GPAT3: variants seen among roughly 807,000 people sequenced by gnomAD.
The protein encoded by GPAT3 is 1-AGP acyltransferase 9.
GPAT3 carries 53 observed loss-of-function variants against 58.8 expected under a neutral mutation model. The ratio of observed to expected loss-of-function variants is 0.90; its 90% CI spans 0.72 to 1.13. The LOEUF (loss-of-function observed/expected upper bound fraction) is 1.13, where lower values mean the gene tolerates loss of function less well. GPAT3 is among the 50% of genes most tolerant of loss of function. The pLI, the probability that GPAT3 is intolerant of heterozygous loss-of-function variation, is 0.00. For synonymous variants in GPAT3, 197 were observed against 187.4 expected (o/e 1.05, Z -0.42); for missense variants, 511 against 527.6 (o/e 0.97, Z 0.31).
chr4:83,598,160 T>C lies in GPAT3; in HGVS notation c.1106T>C (p.Met369Thr). The C allele has an allele frequency of 1.2e-6, 2 of 1,613,364 alleles. No homozygotes were observed. The highest frequency in any genetic ancestry group is 1.1e-5 in the South Asian group (1 of 90,998). ...GCCATCGTCTGTGACGTGTGGTACA[T>C]GCCCCCCATGACCAGAGAGGTATTC... ...SWAIVCDVWY[M>T]PPMTREEGED... Residue 369 changes from methionine to threonine, a missense_variant, in exon 10 of 12, where the codon ATG (methionine) becomes ACG (threonine). By Grantham distance (81) the Met-to-Thr change is moderately conservative. Transcript: ENST00000264409.
chr4:83,584,896 T>C lies in GPAT3; in HGVS notation c.480-2359T>C, dbSNP rs528182630. Among the ~76,000 whole-genome samples the C allele has an allele frequency of 3.3e-4, 50 of 152,354 alleles. 1 individual carries two copies. The highest frequency in any genetic ancestry group is 1.2e-3 in the African/African-American group (50 of 41,580). ...AACAGACTGTGGCTGAAAACTTATG[T>C]CATCTATGAGAACTCTAACATTGCC... On this transcript the variant is annotated intron_variant, in intron 3 of 11. Coordinates refer to ENST00000264409, the MANE Select transcript of GPAT3 (RefSeq NM_032717.5).
chr4:83,549,205 A>G (rs1306825032), intron 2 of GPAT3, among the ~76,000 whole-genome samples: 1 of 151,164 alleles, frequency 6.6e-6, no homozygotes, highest in Admixed American at 6.6e-5. Flanking sequence ...ATTTTTATAT[A>G]CTTATTTTGT....
chr4:83,603,337 C>T (rs1250350135), intron 11 of GPAT3, among the ~76,000 whole-genome samples: 1 of 152,104 alleles, frequency 6.6e-6, no homozygotes, highest in Admixed American at 6.6e-5. Context: ...AGGCAGGCAC[C>T]CTGGAGAGAG....
chr4:83,545,642 T>C (rs972711538), intron 2 of GPAT3, among the ~76,000 whole-genome samples: 10 of 152,234 alleles, frequency 6.6e-5, no homozygotes, highest in Non-Finnish European at 1.2e-4. Flanking sequence ...AGCTTCATGG[T>C]GTATACTTAA....
At chr4:83,592,369 G>T (rs1240541740) in intron 6 of GPAT3, among the ~76,000 whole-genome samples, 2 of 152,226 alleles carry the variant, frequency 1.3e-5, no homozygotes, top group Non-Finnish European at 2.9e-5. Context: ...ATGATACCAT[G>T]CCATTAGCCT....
intron 3 of GPAT3, among the ~76,000 whole-genome samples, chr4:83,583,159 G>A (rs1404917359): frequency 6.6e-6 from 1 of 152,008 alleles, no homozygotes; most frequent in Non-Finnish European, 1.5e-5. Context: ...AACTGGGCGT[G>A]GTGGAGCACA....
intron 2 of GPAT3, among the ~76,000 whole-genome samples, chr4:83,553,433 TA>T (rs894870261): frequency 1.3e-5 from 2 of 152,008 alleles, no homozygotes; most frequent in African/African-American, 2.4e-5. Context: ...TGAAACTAGT[TA>T]AAAAAAATGT....
intron 1 of GPAT3, among the ~76,000 whole-genome samples, chr4:83,543,281 C>A (rs1245753350): frequency 6.6e-6 from 1 of 151,996 alleles, no homozygotes; most frequent in African/African-American, 2.4e-5. Flanking sequence ...TTGTCTCTGC[C>A]CCTTCAAGGG....
intron 2 of GPAT3, among the ~76,000 whole-genome samples, chr4:83,556,967 T>G (rs1287901849): frequency 6.6e-6 from 1 of 152,170 alleles, no homozygotes; most frequent in Non-Finnish European, 1.5e-5. Context: ...GGCTGTCCTT[T>G]TGCTGTAACC....
At chr4:83,602,060 A>G (rs770814005) in intron 11 of GPAT3, among the ~76,000 whole-genome samples, 6 of 152,210 alleles carry the variant, frequency 3.9e-5, no homozygotes, top group Non-Finnish European at 5.9e-5. Flanking sequence ...TAGCATCACA[A>G]AACTATATAA....
intron 6 of GPAT3, 113 bp from the exon 7 acceptor site, chr4:83,594,732 G>A: frequency 1.2e-6 from 1 of 833,262 alleles, no homozygotes; most frequent in Non-Finnish European, 2.0e-6. Context: ...ACTTCAGTCA[G>A]TAGAAGGCCA....
At chr4:83,544,636 A>G in intron 2 of GPAT3, 34 bp downstream of exon 2, 1 of 1,604,066 alleles carries the variant, frequency 6.2e-7, no homozygotes, top group Non-Finnish European at 8.5e-7. Context: ...TTGTTACCAT[A>G]TTTAAATTGG....
intron 2 of GPAT3, among the ~76,000 whole-genome samples, chr4:83,555,293 A>C (rs1724907841): frequency 6.6e-6 from 1 of 152,154 alleles, no homozygotes; most frequent in African/African-American, 2.4e-5. Flanking sequence ...TAGCCTCAGG[A>C]TGGTGGCTGA....
chr4:83,548,847 G>A (rs2110074259), intron 2 of GPAT3, among the ~76,000 whole-genome samples: 1 of 152,288 alleles, frequency 6.6e-6, no homozygotes, highest in East Asian at 1.9e-4. Context: ...TCAAAAAGGA[G>A]AAGGTACTAA....
intron 2 of GPAT3, among the ~76,000 whole-genome samples, chr4:83,551,838 A>ATCTATCTG (rs1724767541): frequency 6.7e-6 from 1 of 148,296 alleles, no homozygotes; most frequent in East Asian, 1.9e-4. Flanking sequence ...CTATCTATCT[A>ATCTATCTG]TCTATCTATC....
In GPAT3 at chr4:83,594,955, T is replaced by C. The variant is rs1726762041; in HGVS notation, c.849T>C (p.Thr283=). The change falls in exon 7 of 12, where the codon ACT becomes ACC. Residue 283 remains threonine, a synonymous_variant. Transcript: ENST00000264409. The stretch of plus-strand genomic sequence containing the variant: ...AAATGAAGGATCGACACCTGGTTAC[T>C]AAGAGGTAAGCAGTGAAATTACTCA... ...RSEMKDRHLV[T]KRLKEHIADK... The C allele has an allele frequency of 1.2e-6, 2 of 1,612,974 alleles. No individual in the cohort carries two copies. Among genetic ancestry groups the C allele is most frequent in the Non-Finnish European group, 1.7e-6 (2 of 1,179,032 alleles).
chr4:83,587,162 A>T, intron 3 of GPAT3, 93 bp from the exon 4 acceptor site: 1 of 983,972 alleles, frequency 1.0e-6, no homozygotes, highest in Non-Finnish European at 1.6e-6. Context: ...TGGATACTCT[A>T]CAACTTATTT....
intron 6 of GPAT3, among the ~76,000 whole-genome samples, chr4:83,591,014 T>C (rs764225788): frequency 2.2e-4 from 34 of 151,942 alleles, no homozygotes; most frequent in Admixed American, 3.3e-4. Flanking sequence ...TAGTTAAATA[T>C]GCCTTCAGTT....
chr4:83,590,887 T>C (rs1225440516), intron 6 of GPAT3, among the ~76,000 whole-genome samples: 2 of 132,128 alleles, frequency 1.5e-5, no homozygotes, highest in Non-Finnish European at 3.0e-5. Flanking sequence ...ATCATATTCT[T>C]TTTTTTTTTT....
Sources: allele counts gnomAD v4.1 joint callset (sites outside exome capture counted in the v4.1 genomes callset), GRCh38; gene constraint gnomAD v4.1.1; transcripts MANE v1.5; gene names NCBI Gene and HGNC (gene_info 2026-07-23, HGNC 2026-07-21).